TCF4: variants seen among roughly 807,000 people sequenced by gnomAD.
TCF4 encodes SL3-3 enhancer factor 2.
TCF4 carries 3 observed loss-of-function variants against 82.1 expected under a neutral mutation model. That is an observed-to-expected ratio of 0.04 (90% CI 0.02 to 0.09). TCF4 has a LOEUF of 0.09. Among genes scored for constraint, TCF4 ranks in the 10% least tolerant of loss-of-function variants. The pLI is 1.00. For synonymous variants in TCF4, 276 were observed against 309.6 expected, an observed-to-expected ratio of 0.89 and a Z score of 1.14; for missense variants, 518 against 852.7, an observed-to-expected ratio of 0.61 and a Z score of 4.89.
intron 3 of TCF4, among the ~76,000 whole-genome samples, chr18:55,528,785 G>A (rs1351461671): frequency 6.6e-6 from 1 of 152,166 alleles, no homozygotes; most frequent in Non-Finnish European, 1.5e-5. Context: ...AATATGGGTT[G>A]TTGTAATTTT....
chr18:55,449,276 T>A (rs1356446681), intron 5 of TCF4, among the ~76,000 whole-genome samples: 2 of 152,164 alleles, frequency 1.3e-5, no homozygotes, highest in East Asian at 3.9e-4. Context: ...TGCCAAGATA[T>A]TTAAGATCTG....
chr18:55,269,765 G>A, intron 11 of TCF4, 66 bp downstream of exon 11: 1 of 1,602,722 alleles, frequency 6.2e-7, no homozygotes, highest in South Asian at 1.1e-5. Context: ...AAGGGAAAAA[G>A]AGGTCCTTGA....
At chr18:55,572,685 G>A (rs72627232) in intron 3 of TCF4, among the ~76,000 whole-genome samples, 18,162 of 152,174 alleles carry the variant, frequency 0.12, 1,448 homozygotes, top group East Asian at 0.39. Flanking sequence ...CCACAGGCAG[G>A]AGAAGTGAAT....
chr18:55,530,568 G>GGC (rs1555729356), intron 3 of TCF4, among the ~76,000 whole-genome samples: 1 of 143,370 alleles, frequency 7.0e-6, no homozygotes, highest in African/African-American at 2.6e-5. Context: ...AAAAGGGGGG[G>GGC]GGAAACAGCT....
In TCF4 at chr18:55,485,922, T is replaced by C. The variant is rs559771703; in HGVS notation, c.146-21785A>G. On this transcript the variant is annotated intron_variant, in intron 3 of 19. Transcript: ENST00000354452. ...GAATGTGTTCCCCAGAGCTTCATAT[T>C]TCTTGCTTGAGGCAAACCATCTTTA... 4.6e-5 allele frequency among the ~76,000 whole-genome samples: 7 copies of C among 152,342 alleles called. No individual in the cohort carries two copies. The South Asian group carries it at 1.4e-3, about 32-fold the overall frequency.
At chr18:55,277,066 CCAGA>C (rs1330969543) in intron 9 of TCF4, among the ~76,000 whole-genome samples, 4 of 152,188 alleles carry the variant, frequency 2.6e-5, no homozygotes, top group Admixed American at 1.3e-4. Context: ...ACAATATGCC[CCAGA>C]CAGTTTCTGA....
At chr18:55,563,547 A>G (rs914831033) in intron 3 of TCF4, among the ~76,000 whole-genome samples, 3 of 152,252 alleles carry the variant, frequency 2.0e-5, no homozygotes, top group Non-Finnish European at 4.4e-5. Flanking sequence ...TTAGAGAAGA[A>G]ATAAGGCAGC....
chr18:55,237,720 G>A (rs1282402498), intron 15 of TCF4, among the ~76,000 whole-genome samples: 2 of 152,122 alleles, frequency 1.3e-5, no homozygotes, highest in African/African-American at 4.8e-5. Context: ...ATGTAATAAT[G>A]AGCTTGATTC....
intron 13 of TCF4, among the ~76,000 whole-genome samples, chr18:55,257,955 T>C (rs967047653): frequency 6.6e-5 from 10 of 152,184 alleles, no homozygotes; most frequent in African/African-American, 2.4e-5. Context: ...TTTTTTATGA[T>C]TCATTAAACT....
At chr18:55,625,804 A>G (rs2097726036) in intron 2 of TCF4, among the ~76,000 whole-genome samples, 1 of 152,226 alleles carries the variant, frequency 6.6e-6, no homozygotes, top group East Asian at 1.9e-4. Context: ...GAAGAAAGGA[A>G]GTATTTTTTA....
intron 6 of TCF4, chr18:55,401,353 A>G (rs2093806128): frequency 8.8e-7 from 1 of 1,135,574 alleles, no homozygotes; most frequent in Non-Finnish European, 1.1e-6. Context: ...AGACTCTTGC[A>G]AGACTCACAA....
At position 55,586,158 on chromosome 18, in the gene TCF4, GCAGCAGCAGCAGCAGCAGCAGCAGC is replaced by G. The variant is rs1568465682; in HGVS notation, c.73-831_73-807del. 176 of 119,144 alleles carry G rather than the reference GCAGCAGCAGCAGCAGCAGCAGCAGC, an allele frequency of 1.5e-3. 5 individuals carry two copies. Among genetic ancestry groups the G allele is most frequent in the African/African-American group, 5.7e-3 (35 of 6,154 alleles). 7.4% of individuals were successfully genotyped at this position (119,144 alleles called of 1,614,324 possible). A position where few individuals can be genotyped will look rare whatever the true frequency, so the allele number is the denominator to read the frequency against. ...AGAAGGAGGAGGAGGAGGAGGAGCAGCAGCAGCAGCAGCAGCAGCAGCAGCAGCAGCAGCAGCAGCAGCAGCAGCA... is the reference window on the plus strand; with the variant it reads ...AGAAGGAGGAGGAGGAGGAGGAGCAGAGCAGCAGCAGCAGCAGCAGCAGCA... On this transcript the variant is annotated intron_variant, in intron 2 of 19. Transcript: ENST00000354452.
At chr18:55,403,116 C>A in intron 6 of TCF4, among the ~76,000 whole-genome samples, 1 of 152,208 alleles carries the variant, frequency 6.6e-6, no homozygotes, top group Admixed American at 6.5e-5. Flanking sequence ...GTATTTCCTG[C>A]GTAAGAAATT....
At chr18:55,528,106 A>C (rs935606846) in intron 3 of TCF4, among the ~76,000 whole-genome samples, 3 of 152,244 alleles carry the variant, frequency 2.0e-5, no homozygotes, top group Admixed American at 2.0e-4. Flanking sequence ...TGAGAGGGTT[A>C]AAGTTGAAAA....
chr18:55,365,191 A>ATATATATATATATATATATATGTG, intron 6 of TCF4, among the ~76,000 whole-genome samples: 2 of 97,946 alleles, frequency 2.0e-5, no homozygotes, highest in Admixed American at 1.0e-4. Context: ...ATATATATAT[A>ATATATATATATATATATATATGTG]TGTGTGTGTG....
In TCF4 at chr18:55,617,811, C is replaced by CTGTGTGTGTGTGTG. The variant is rs74182107; in HGVS notation, c.286+13473_286+13486dup. Among the ~76,000 whole-genome samples the CTGTGTGTGTGTGTG allele has an allele frequency of 1.3e-3, 183 of 140,674 alleles. 1 individual carries two copies. The highest frequency in any genetic ancestry group is 3.6e-3 in the African/African-American group (136 of 37,848). 92.3% of individuals were successfully genotyped at this position (140,674 alleles called of 152,430 possible). Reference sequence around the variant, plus strand: ...ACTTTAGTGAATTCATTAATTCTAACTGTGTGTGTGTGTGTGTGTGTGTGT... The same window carrying CTGTGTGTGTGTGTG: ...ACTTTAGTGAATTCATTAATTCTAACTGTGTGTGTGTGTGTGTGTGTGTGTGTGTGTGTGTGTGT... On this transcript the variant is annotated intron_variant, in intron 2 of 20. Coordinates refer to the TCF4 transcript ENST00000398339.
At chr18:55,259,928 A>C in intron 13 of TCF4, 21 bp downstream of exon 13, 5 of 1,592,616 alleles carry the variant, frequency 3.1e-6, no homozygotes, top group Non-Finnish European at 4.3e-6. Context: ...ATATGATGAA[A>C]TGGGATTTGA....
chr18:55,361,818 G>A (rs1176808627), intron 6 of TCF4, among the ~76,000 whole-genome samples: 1 of 152,194 alleles, frequency 6.6e-6, no homozygotes, highest in Non-Finnish European at 1.5e-5. Flanking sequence ...GCCTCAGGCT[G>A]TTGGCTATGC....
chr18:55,359,605 G>T (rs544302501), intron 6 of TCF4, among the ~76,000 whole-genome samples: 1 of 152,300 alleles, frequency 6.6e-6, no homozygotes, highest in South Asian at 2.1e-4. Context: ...GTATAAATAT[G>T]CCTTCTCCAT....
Sources: allele counts gnomAD v4.1 joint callset (sites outside exome capture counted in the v4.1 genomes callset), GRCh38; gene constraint gnomAD v4.1.1; transcripts MANE v1.5; gene names NCBI Gene and HGNC (gene_info 2026-07-23, HGNC 2026-07-21).